Variants in NPAS2 observed in about 807,000 individuals in gnomAD.
NPAS2 encodes neuronal PAS domain protein 2.
A neutral mutation model predicts 107.5 loss-of-function variants in NPAS2; 23 were observed. That is an observed-to-expected ratio of 0.21 (90% CI 0.15 to 0.30). The LOEUF (loss-of-function observed/expected upper bound fraction) is 0.30, where lower values mean the gene tolerates loss of function less well. Among genes scored for constraint, NPAS2 ranks in the 10% least tolerant of loss-of-function variants. The probability of loss-of-function intolerance (pLI) is 1.00; values close to 1 mark genes in which losing one functional copy is unlikely to be tolerated. For synonymous variants in NPAS2, 403 were observed against 417.5 expected, an observed-to-expected ratio of 0.97 and a Z score of 0.42; for missense variants, 756 against 1,043.3, an observed-to-expected ratio of 0.72 and a Z score of 3.79.
At chr2:100,945,730 C>A (rs1451705444) in intron 5 of NPAS2, among the ~76,000 whole-genome samples, 6 of 152,164 alleles carry the variant, frequency 3.9e-5, no homozygotes, top group Non-Finnish European at 2.9e-5. Context: ...GCATGCTGAG[C>A]CCCCTGGCTG....
intron 2 of NPAS2, among the ~76,000 whole-genome samples, chr2:100,911,014 C>T (rs886280421): frequency 2.6e-5 from 4 of 152,190 alleles, no homozygotes; most frequent in Middle Eastern, 3.4e-3. Context: ...TGATTTATGC[C>T]GAAGTTACCC....
chr2:100,851,200 G>C (rs1317614123), intron 1 of NPAS2, among the ~76,000 whole-genome samples: 5 of 152,166 alleles, frequency 3.3e-5, no homozygotes, highest in Admixed American at 1.3e-4. Flanking sequence ...TTTAAGTTTT[G>C]CAAGATTGAG....
chr2:100,866,011 C>T (rs1221063524), intron 1 of NPAS2, among the ~76,000 whole-genome samples: 1 of 152,176 alleles, frequency 6.6e-6, no homozygotes, highest in Non-Finnish European at 1.5e-5. Flanking sequence ...GGTGACCCGC[C>T]CCTCTTCAGT....
chr2:100,900,621 A>T (rs1681712797), intron 1 of NPAS2, among the ~76,000 whole-genome samples: 1 of 152,210 alleles, frequency 6.6e-6, no homozygotes, highest in Non-Finnish European at 1.5e-5. Context: ...ATATGACTCA[A>T]CACTGGTGAT....
At chr2:100,964,006 G>A in intron 7 of NPAS2, 52 bp from the exon 8 acceptor site, 1 of 1,161,144 alleles carries the variant, frequency 8.6e-7, no homozygotes, top group Non-Finnish European at 1.3e-6. Flanking sequence ...GGGATTGGCT[G>A]CTGTCACCAG....
At chr2:100,891,088 C>T (rs535090247) in intron 1 of NPAS2, among the ~76,000 whole-genome samples, 5 of 152,112 alleles carry the variant, frequency 3.3e-5, no homozygotes, top group African/African-American at 9.6e-5. Flanking sequence ...AAAAATTAGC[C>T]GGGCGTGGTG....
chr2:100,876,408 T>G (rs915406349), intron 1 of NPAS2, among the ~76,000 whole-genome samples: 19 of 152,348 alleles, frequency 1.2e-4, no homozygotes, highest in Non-Finnish European at 1.8e-4. Flanking sequence ...CCACGTCTCC[T>G]AAGAGGGCTT....
At chr2:100,881,647 C>G (rs996902155) in intron 1 of NPAS2, among the ~76,000 whole-genome samples, 1 of 151,924 alleles carries the variant, frequency 6.6e-6, no homozygotes, top group Non-Finnish European at 1.5e-5. Context: ...GATCACAGCA[C>G]TGCACTCCAG....
intron 1 of NPAS2, among the ~76,000 whole-genome samples, chr2:100,849,061 C>A (rs1677978463): frequency 6.6e-6 from 1 of 152,188 alleles, no homozygotes; most frequent in Non-Finnish European, 1.5e-5. Flanking sequence ...CTACGTGTAA[C>A]CCAAGTTTAT....
chr2:100,990,320 T>C lies in NPAS2; in HGVS notation c.1892T>C (p.Val631Ala). 9 of 1,614,136 alleles carry C rather than the reference T, an allele frequency of 5.6e-6. No homozygotes were observed. Among genetic ancestry groups the C allele is most frequent in the Non-Finnish European group, 7.6e-6 (9 of 1,180,014 alleles). The change falls in exon 18 of 21, where the codon GTG becomes GCG. Residue 631 changes from valine to alanine, a missense_variant. Physicochemically the swap from Val to Ala is moderately conservative, Grantham distance 64. Coordinates refer to ENST00000335681, the MANE Select transcript of NPAS2 (RefSeq NM_002518.4). Reference sequence around the variant, plus strand: ...AGCGGCCGCTCTGGAAGCAGCCTAGTGTCCCCGTTCAGCAGCGCCACAGCT... The same window carrying C: ...AGCGGCCGCTCTGGAAGCAGCCTAGCGTCCCCGTTCAGCAGCGCCACAGCT... Reference protein sequence around the residue: ...QSSGRSGSSLVSPFSSATAAL... With the variant: ...QSSGRSGSSLASPFSSATAAL...
chr2:100,833,259 C>G lies in NPAS2; in HGVS notation c.-23+12845C>G, dbSNP rs116431170. On this transcript the variant is annotated intron_variant, in intron 1 of 20. Transcript: ENST00000335681. ...GTGGCCTTGGCAAGTTGCATAAACC[C>G]CATGACTCAGTTTCTTCGTCTGTGA... Among the ~76,000 whole-genome samples the G allele has an allele frequency of 9.6e-3, 1,458 of 152,260 alleles. 25 individuals are homozygous for G. Among genetic ancestry groups the G allele is most frequent in the African/African-American group, 0.033 (1,389 of 41,530 alleles).
chr2:100,854,604 A>G (rs1678439988), intron 1 of NPAS2, among the ~76,000 whole-genome samples: 1 of 152,182 alleles, frequency 6.6e-6, no homozygotes, highest in South Asian at 2.1e-4. Flanking sequence ...CCTGGTCACA[A>G]GGCCCTTCTC....
chr2:100,851,013 AT>A (rs1386493573), intron 1 of NPAS2, among the ~76,000 whole-genome samples: 3 of 149,182 alleles, frequency 2.0e-5, no homozygotes, highest in Non-Finnish European at 3.0e-5. Flanking sequence ...TACCACATGG[AT>A]GAATATTGAG....
At chr2:100,866,360 C>T (rs1679256616) in intron 1 of NPAS2, among the ~76,000 whole-genome samples, 2 of 152,206 alleles carry the variant, frequency 1.3e-5, no homozygotes, top group East Asian at 3.8e-4. Context: ...GCTAAGTTCA[C>T]TTTTGTTTTA....
intron 1 of NPAS2, among the ~76,000 whole-genome samples, chr2:100,875,514 G>GCATGATGCCCC (rs1182997440): frequency 2.1e-5 from 3 of 141,268 alleles, no homozygotes; most frequent in Admixed American, 7.0e-5. Context: ...ACAGCATGTA[G>GCATGATGCCCC]GGATCACACA....
intron 2 of NPAS2, among the ~76,000 whole-genome samples, chr2:100,912,215 CATTT>C (rs200504991): frequency 0.039 from 5,606 of 143,354 alleles, 134 homozygotes; most frequent in African/African-American, 0.056. Flanking sequence ...CAGTTTGCTC[CATTT>C]ATTTATTTAT....
intron 2 of NPAS2, among the ~76,000 whole-genome samples, chr2:100,911,035 A>G (rs1349122240): frequency 1.3e-5 from 2 of 152,218 alleles, no homozygotes; most frequent in South Asian, 2.1e-4. Flanking sequence ...AAAATGTATT[A>G]TGGAGAATAT....
intron 1 of NPAS2, among the ~76,000 whole-genome samples, chr2:100,837,367 G>A (rs1248892272): frequency 3.3e-5 from 5 of 152,156 alleles, no homozygotes; most frequent in African/African-American, 1.2e-4. Context: ...GGAATGCAAT[G>A]GTGCGATCTT....
intron 1 of NPAS2, among the ~76,000 whole-genome samples, chr2:100,822,007 C>CAG (rs983481965): frequency 2.0e-5 from 3 of 152,202 alleles, no homozygotes; most frequent in Non-Finnish European, 4.4e-5. Flanking sequence ...TTCCATCTCA[C>CAG]AGAGAGATGT....
Sources: gnomAD v4.1 joint callset for allele counts (sites outside exome capture counted in the v4.1 genomes callset) on GRCh38, gnomAD v4.1.1 for gene constraint, MANE v1.5 for transcripts, NCBI Gene and HGNC (gene_info 2026-07-23, HGNC 2026-07-21) for gene names.